The following BRWD1 variants were observed in gnomAD, a reference collection of about 807,000 sequenced individuals.
BRWD1 encodes bromodomain and WD repeat-containing protein 1.
BRWD1 carries 82 observed loss-of-function variants against 251.2 expected under a neutral mutation model. That is an observed-to-expected ratio of 0.33 (90% confidence interval 0.27 to 0.39). The LOEUF is 0.39. BRWD1 is among the 10% of genes least tolerant of loss of function. The pLI is 1.00. For missense variants in BRWD1, 2,233 were observed against 2,711.6 expected (o/e 0.82, Z 3.92); for synonymous variants, 918 against 902.8 (o/e 1.02, Z -0.30).
chr21:39,269,081 G>A (rs1385377767), intron 15 of BRWD1, among the ~76,000 whole-genome samples: 2 of 151,936 alleles, frequency 1.3e-5, no homozygotes, highest in East Asian at 3.9e-4. Context: ...TCTGGTCTAC[G>A]GAGCAAAATA....
intron 17 of BRWD1, among the ~76,000 whole-genome samples, chr21:39,264,156 A>G (rs2034843400): frequency 6.6e-6 from 1 of 152,188 alleles, no homozygotes. Context: ...GAACATTACT[A>G]GAATAACTGG....
At chr21:39,239,813 T>C (rs774859001) in intron 21 of BRWD1, among the ~76,000 whole-genome samples, 1 of 152,182 alleles carries the variant, frequency 6.6e-6, no homozygotes, top group Non-Finnish European at 1.5e-5. Context: ...GAATGCAAAA[T>C]GGTACAGCTA....
chr21:39,312,918 G>A lies in BRWD1; in HGVS notation c.139-18C>T. 2.9e-6 allele frequency: 4 copies of A among 1,376,346 alleles called. No homozygotes were observed. The South Asian group carries it at 4.0e-5, about 14-fold the overall frequency. 85.3% of individuals were successfully genotyped at this position (1,376,346 alleles called of 1,614,324 possible). On this transcript the variant is annotated intron_variant, in intron 3 of 40. Coordinates refer to ENST00000342449, the MANE Select transcript of BRWD1 (RefSeq NM_033656.4). ...GGCAACAACTGGAAAGACACGAAAC[G>A]CACACGAGTGACCACCCCTCCGGCG... is the stretch of plus-strand genomic sequence containing the variant.
At chr21:39,219,760 C>A (rs2033098570) in intron 29 of BRWD1, 1 of 152,164 alleles carries the variant, frequency 6.6e-6, no homozygotes, top group Non-Finnish European at 1.5e-5. Flanking sequence ...ATGATGTAGT[C>A]TTTTAGCTGA....
At chr21:39,236,329 T>C (rs886456498) in intron 23 of BRWD1, among the ~76,000 whole-genome samples, 2 of 152,034 alleles carry the variant, frequency 1.3e-5, no homozygotes, top group East Asian at 1.9e-4. Flanking sequence ...GCTCCTGCTA[T>C]CCACAGGGGT....
At chr21:39,230,646 G>A (rs2033576604) in intron 25 of BRWD1, among the ~76,000 whole-genome samples, 1 of 151,938 alleles carries the variant, frequency 6.6e-6, no homozygotes, top group African/African-American at 2.4e-5. Context: ...TCTCCATAAG[G>A]CACATCTCAG....
intron 8 of BRWD1, among the ~76,000 whole-genome samples, chr21:39,281,231 G>A (rs565473227): frequency 6.6e-6 from 1 of 152,130 alleles, no homozygotes; most frequent in Non-Finnish European, 1.5e-5. Context: ...GCAGCCAAAC[G>A]ATTTGTCTTA....
At chr21:39,241,405 T>C (rs2033987322) in intron 21 of BRWD1, among the ~76,000 whole-genome samples, 1 of 127,478 alleles carries the variant, frequency 7.8e-6, no homozygotes, top group South Asian at 2.5e-4. Context: ...GAGGTGAAGG[T>C]AGCAGTGAGC....
chr21:39,213,630 T>A (rs2032757999), intron 32 of BRWD1, 77 bp from the exon 33 acceptor site: 1 of 968,640 alleles, frequency 1.0e-6, no homozygotes, highest in Non-Finnish European at 1.6e-6. Context: ...TACATTAAAA[T>A]ATAAACAGTT....
intron 8 of BRWD1, 48 bp from the exon 9 acceptor site, chr21:39,280,296 G>C (rs1192462497): frequency 7.0e-7 from 1 of 1,436,452 alleles, no homozygotes; most frequent in African/African-American, 1.4e-5. Flanking sequence ...TTCTACTTAA[G>C]TTACAGTTTA....
At chr21:39,285,595 C>T (rs1006937257) in intron 8 of BRWD1, among the ~76,000 whole-genome samples, 5 of 152,076 alleles carry the variant, frequency 3.3e-5, no homozygotes, top group African/African-American at 1.2e-4. Flanking sequence ...TGTCTTTCTA[C>T]AAGTATTATA....
At chr21:39,184,461 T>C (rs967017757), downstream of BRWD1, 4 of 152,210 alleles carry the variant, frequency 2.6e-5, no homozygotes, top group African/African-American at 9.7e-5. Flanking sequence ...AATGAAAATA[T>C]GCAGTAATGC....
chr21:39,215,401 A>G, intron 31 of BRWD1, 39 bp from the exon 32 acceptor site: 2 of 1,578,304 alleles, frequency 1.3e-6, no homozygotes, highest in Non-Finnish European at 1.7e-6. Context: ...TTAGAAAATG[A>G]GAAGATAGAA....
chr21:39,239,903 G>A (rs768140305), intron 21 of BRWD1, among the ~76,000 whole-genome samples: 20 of 152,094 alleles, frequency 1.3e-4, no homozygotes, highest in Non-Finnish European at 2.8e-4. Flanking sequence ...TTACCCAAAT[G>A]AGGTGAAAAA....
At chr21:39,303,967 C>A (rs2036202385) in intron 4 of BRWD1, among the ~76,000 whole-genome samples, 1 of 151,400 alleles carries the variant, frequency 6.6e-6, no homozygotes, top group Non-Finnish European at 1.5e-5. Flanking sequence ...CGTGGTTAAA[C>A]CCTGTTTCTA....
chr21:39,311,329 G>A (rs1438778130), intron 4 of BRWD1, among the ~76,000 whole-genome samples: 1 of 151,810 alleles, frequency 6.6e-6, no homozygotes, highest in East Asian at 1.9e-4. Context: ...CACCACAGCC[G>A]CCTAATTTTC....
At chr21:39,309,950 T>TA (rs913503875) in intron 4 of BRWD1, among the ~76,000 whole-genome samples, 1 of 152,112 alleles carries the variant, frequency 6.6e-6, no homozygotes, top group African/African-American at 2.4e-5. Context: ...CTGACAAACT[T>TA]AGAGATGAAA....
At chr21:39,236,548 C>T in intron 23 of BRWD1, 47 bp downstream of exon 23, 1 of 1,425,046 alleles carries the variant, frequency 7.0e-7, no homozygotes, top group Admixed American at 2.2e-5. Context: ...TGGGGTAAAG[C>T]TGGGGTATCA....
At chr21:39,282,852 G>C (rs373813301) in intron 8 of BRWD1, among the ~76,000 whole-genome samples, 3 of 151,758 alleles carry the variant, frequency 2.0e-5, no homozygotes, top group South Asian at 2.1e-4. Context: ...CCAACTACTC[G>C]GGAGGCTGAG....
Sources: allele counts gnomAD v4.1 joint callset (sites outside exome capture counted in the v4.1 genomes callset), GRCh38; gene constraint gnomAD v4.1.1; transcripts MANE v1.5; gene names NCBI Gene and HGNC (gene_info 2026-07-23, HGNC 2026-07-21).